Variants in CHST3 observed in about 807,000 individuals in gnomAD.
CHST3 encodes carbohydrate sulfotransferase 3.
Under a neutral mutation model 35.4 loss-of-function variants are expected in CHST3, and 20 were observed. That is an observed-to-expected ratio of 0.57 (90% confidence interval 0.40 to 0.82). The LOEUF is 0.82. Among genes scored for constraint, CHST3 ranks in the 40% least tolerant of loss-of-function variants. CHST3 has a pLI of 0.00. For missense variants in CHST3, 693 were observed against 670.1 expected (o/e 1.03, Z -0.38); for synonymous variants, 334 against 295.9 (o/e 1.13, Z -1.32).
chr10:71,995,231 C>T (rs929888917), intron 1 of CHST3, among the ~76,000 whole-genome samples: 3 of 151,986 alleles, frequency 2.0e-5, no homozygotes, highest in African/African-American at 7.3e-5. Flanking sequence ...TCGAGACCAG[C>T]CTGGCCAACC....
At chr10:72,002,802 CT>C (rs1840005929) in intron 1 of CHST3, among the ~76,000 whole-genome samples, 1 of 152,270 alleles carries the variant, frequency 6.6e-6, no homozygotes. Context: ...CGTAGCCCCA[CT>C]GGCCATTCTA....
At chr10:71,975,012 G>C (rs2131740704) in intron 1 of CHST3, among the ~76,000 whole-genome samples, 1 of 152,202 alleles carries the variant, frequency 6.6e-6, no homozygotes, top group East Asian at 1.9e-4. Flanking sequence ...TCAGAAGCCT[G>C]TGTCGAGCTT....
At chr10:71,996,538 G>A (rs1295425818) in intron 1 of CHST3, among the ~76,000 whole-genome samples, 13 of 151,764 alleles carry the variant, frequency 8.6e-5, no homozygotes, top group Admixed American at 7.9e-4. Flanking sequence ...ATACTGGTGT[G>A]TCCTATTTTT....
chr10:72,000,837 G>C (rs1046320507), intron 1 of CHST3, among the ~76,000 whole-genome samples: 8 of 152,028 alleles, frequency 5.3e-5, no homozygotes, highest in African/African-American at 1.5e-4. Flanking sequence ...CATAGAAGAG[G>C]CTGGGCCTGA....
intron 1 of CHST3, among the ~76,000 whole-genome samples, chr10:71,989,874 G>A (rs1839881435): frequency 6.6e-6 from 1 of 152,158 alleles, no homozygotes; most frequent in South Asian, 2.1e-4. Context: ...TATCACTCAT[G>A]TCTTGAACAG....
intron 1 of CHST3, among the ~76,000 whole-genome samples, chr10:71,977,601 C>T (rs1463737854): frequency 6.6e-6 from 1 of 151,976 alleles, no homozygotes; most frequent in Non-Finnish European, 1.5e-5. Context: ...AGGTGTGCTC[C>T]ACCTAATTTT....
chr10:72,001,805 G>A (rs905373542), intron 1 of CHST3, among the ~76,000 whole-genome samples: 11 of 152,168 alleles, frequency 7.2e-5, no homozygotes, highest in African/African-American at 2.4e-4. Context: ...GGCTAGGAGG[G>A]ACCAAGAGAA....
In CHST3 at chr10:72,007,286, A is replaced by G. The variant is rs766408307; in HGVS notation, c.255A>G (p.Ser85=). ...ASLLSLSELD[S]AFSQLQSRLR... ...TCTTGTCCCTGAGCGAGCTCGATTCAGCCTTCTCCCAGCTTCAGAGCCGTC... is the reference window on the plus strand; with the variant it reads ...TCTTGTCCCTGAGCGAGCTCGATTCGGCCTTCTCCCAGCTTCAGAGCCGTC... The change falls in exon 3 of 3, where the codon TCA becomes TCG. Residue 85 remains serine, a synonymous_variant. Coordinates refer to ENST00000373115, the MANE Select transcript of CHST3 (RefSeq NM_004273.5). 4 of 1,614,048 alleles carry G rather than the reference A, an allele frequency of 2.5e-6. No homozygotes were observed. Among genetic ancestry groups the G allele is most frequent in the Non-Finnish European group, 2.5e-6 (3 of 1,179,980 alleles).
chr10:72,008,500 C>T lies in CHST3; in HGVS notation c.*29C>T, dbSNP rs1020067119. The T allele has an allele frequency of 3.0e-5, 45 of 1,485,258 alleles. No individual in the cohort carries two copies. In the East Asian group the frequency reaches 1.0e-3, roughly 34 times the overall value. The allele number at this position is 1,485,258 out of a possible 1,614,324, so 92.0% of individuals were successfully genotyped here. On this transcript the variant is annotated 3_prime_UTR_variant, in exon 3 of 3. Coordinates refer to ENST00000373115, the MANE Select transcript of CHST3 (RefSeq NM_004273.5). ...GGCCGGGGCCCCGTATGCCCCTCCT[C>T]GTGAAAGGCCTGCCCCGTCTTTCTG...
At position 72,007,728 on chromosome 10, in the gene CHST3, G is replaced by A. The variant is rs1840058319; in HGVS notation, c.697G>A (p.Val233Ile). Residue 233 changes from valine (V) to isoleucine (I), a missense_variant, in exon 3 of 3, where the codon GTC (valine) becomes ATC (isoleucine). Transcript: ENST00000373115. ...GSSRSLCEDP[V>I]CTPFVKKVFE... ...CAGCCGCTCCCTGTGCGAGGACCCC[G>A]TCTGTACGCCCTTCGTCAAGAAGGT... is the stretch of plus-strand genomic sequence containing the variant. 1 of 1,604,578 alleles carries A rather than the reference G, an allele frequency of 6.2e-7. No homozygotes were observed. The highest frequency in any genetic ancestry group is 8.5e-7 in the Non-Finnish European group (1 of 1,179,712).
At chr10:71,978,031 C>G (rs932383995) in intron 1 of CHST3, among the ~76,000 whole-genome samples, 4 of 152,234 alleles carry the variant, frequency 2.6e-5, no homozygotes, top group Admixed American at 1.3e-4. Context: ...CTACGCCTTC[C>G]TATGCCTCTA....
In CHST3 at chr10:72,008,480, G is replaced by A. The variant is rs1192737163; in HGVS notation, c.*9G>A. ...CCTTCTGGGTCACGTAGGGGGGCCG[G>A]GGCCCCGTATGCCCCTCCTCGTGAA... On this transcript the variant is annotated 3_prime_UTR_variant, in exon 3 of 3. Coordinates refer to ENST00000373115, the MANE Select transcript of CHST3 (RefSeq NM_004273.5). 5.9e-6 allele frequency: 9 copies of A among 1,519,950 alleles called. No homozygotes were observed. In the Admixed American group the frequency reaches 1.1e-4, roughly 18 times the overall value. The allele number at this position is 1,519,950 out of a possible 1,614,324, so 94.2% of individuals were successfully genotyped here.
At chr10:71,968,559 A>G (rs1839654926) in intron 1 of CHST3, among the ~76,000 whole-genome samples, 1 of 152,156 alleles carries the variant, frequency 6.6e-6, no homozygotes, top group Non-Finnish European at 1.5e-5. Context: ...CAGATTGTCT[A>G]ACTCCAGAAC....
chr10:72,008,777 C>A lies in CHST3; in HGVS notation c.*306C>A. 3.3e-6 allele frequency: 1 copy of A among 303,876 alleles called. No individual in the cohort carries two copies. The highest frequency in any genetic ancestry group is 4.6e-5 in the Admixed American group (1 of 21,826). 18.8% of individuals were successfully genotyped at this position (303,876 alleles called of 1,614,324 possible). On this transcript the variant is annotated 3_prime_UTR_variant, in exon 3 of 3. Transcript: ENST00000373115. ...ACACACACAGAAACATACATTCGTGCCTGGAGACCCTGCAGGCCAGAGTCC... is the reference window on the plus strand; with the variant it reads ...ACACACACAGAAACATACATTCGTGACTGGAGACCCTGCAGGCCAGAGTCC...
chr10:72,005,609 G>A (rs1367328949), intron 1 of CHST3, 127 bp from the exon 2 acceptor site: 9 of 587,550 alleles, frequency 1.5e-5, no homozygotes, highest in African/African-American at 1.5e-4. Flanking sequence ...GGCACAGTCT[G>A]TCTGGAGAGT....
At position 71,996,580 on chromosome 10, in the gene CHST3, A is replaced by T. The variant is rs569290524; in HGVS notation, c.-107-9156A>T. 2.7e-4 allele frequency among the ~76,000 whole-genome samples: 41 copies of T among 152,064 alleles called. 1 individual carries two copies. In the South Asian group the frequency reaches 4.6e-3, roughly 17 times the overall value. ...AGCGTCATAACATAAGCATCTTTCT[A>T]GGCAATAAATTAACTTTATGCTGGC... On this transcript the variant is annotated intron_variant, in intron 1 of 2. Coordinates refer to ENST00000373115, the MANE Select transcript of CHST3 (RefSeq NM_004273.5).
chr10:72,008,462 G>T lies in CHST3; in HGVS notation c.1431G>T (p.Trp477Cys), dbSNP rs1369167544. The change falls in exon 3 of 3, where the codon TGG becomes TGT. Residue 477 changes from tryptophan to cysteine, a missense_variant. By Grantham distance (215) the Trp-to-Cys change is radical (BLOSUM62 -2). Coordinates refer to ENST00000373115, the MANE Select transcript of CHST3 (RefSeq NM_004273.5). ...TGCTGGAGGAGAGGGGCACCTTCTG[G>T]GTCACGTAGGGGGGCCGGGGCCCCG... ...VSLLEERGTF[W>C]VT 39 of 1,548,446 alleles carry T rather than the reference G, an allele frequency of 2.5e-5. No homozygotes were observed. Among genetic ancestry groups the T allele is most frequent in the Non-Finnish European group, 3.3e-5 (38 of 1,146,216 alleles).
rs140695097 is a variant in CHST3, at chr10:71,990,791, A to G, written c.-107-14945A>G. ...AACACAAAAATTTTAGAGGGGCACA[A>G]ACATTCAGCCCATAGCTAAGAGTAT... On this transcript the variant is annotated intron_variant, in intron 1 of 2. Coordinates refer to ENST00000373115, the MANE Select transcript of CHST3 (RefSeq NM_004273.5). 1.4e-3 allele frequency among the ~76,000 whole-genome samples: 208 copies of G among 152,352 alleles called. 2 individuals carry two copies. The South Asian group carries it at 0.018, about 13-fold the overall frequency.
At chr10:71,984,053 C>T (rs1839824401) in intron 1 of CHST3, among the ~76,000 whole-genome samples, 1 of 152,162 alleles carries the variant, frequency 6.6e-6, no homozygotes, top group Non-Finnish European at 1.5e-5. Context: ...GACACAGTCT[C>T]ACTCTGTCAC....
Sources: gnomAD v4.1 joint callset for allele counts (sites outside exome capture counted in the v4.1 genomes callset) on GRCh38, gnomAD v4.1.1 for gene constraint, MANE v1.5 for transcripts, NCBI Gene and HGNC (gene_info 2026-07-23, HGNC 2026-07-21) for gene names.